CHST13: variants seen among roughly 807,000 people sequenced by gnomAD.
CHST13 encodes the protein C4ST-3.
In CHST13, 1 loss-of-function variant was observed where a neutral mutation model predicts 7.0. The observed-to-expected ratio is 0.14, with a 90% CI of 0.05 to 0.68. CHST13 has a LOEUF of 0.68. CHST13 is among the 30% of genes least tolerant of loss of function. The pLI, the probability that CHST13 is intolerant of heterozygous loss-of-function variation, is 0.82. For synonymous variants in CHST13, 257 were observed against 240.9 expected (o/e 1.07, Z -0.62); for missense variants, 572 against 507.9 (o/e 1.13, Z -1.21).
rs1350800347 is a variant in CHST13, at chr3:126,539,681, A to G, written c.181-2052A>G. 1.6e-4 allele frequency among the ~76,000 whole-genome samples: 18 copies of G among 115,468 alleles called. No individual in the cohort carries two copies. The Admixed American group carries it at 1.6e-3, about 10-fold the overall frequency. The allele number at this position is 115,468 out of a possible 152,430, so 75.8% of individuals were successfully genotyped here. ...ACACTATACACACAGCACATACACC[A>G]CAGACACCACACACACACCACACAC... On this transcript the variant is annotated intron_variant, in intron 2 of 2. Coordinates refer to ENST00000319340, the MANE Select transcript of CHST13 (RefSeq NM_152889.3).
chr3:126,538,169 G>T (rs919953503), intron 2 of CHST13, among the ~76,000 whole-genome samples: 3 of 152,246 alleles, frequency 2.0e-5, no homozygotes, highest in African/African-American at 7.2e-5. Flanking sequence ...GCTGCTTCCA[G>T]CCATGAGGAG....
intron 2 of CHST13, 94 bp downstream of exon 2, chr3:126,536,447 C>T (rs1936793126): frequency 3.2e-6 from 3 of 944,490 alleles, no homozygotes; most frequent in South Asian, 3.2e-5. Flanking sequence ...TGAGACTGGA[C>T]CCCACACTGG....
intron 1 of CHST13, among the ~76,000 whole-genome samples, chr3:126,525,167 C>T (rs1936512199): frequency 2.0e-5 from 3 of 152,174 alleles, no homozygotes; most frequent in Non-Finnish European, 2.9e-5. Context: ...CCAGCCAGCG[C>T]CCGGGTCTCC....
intron 2 of CHST13, among the ~76,000 whole-genome samples, chr3:126,539,699 C>A (rs1576235187): frequency 7.7e-6 from 1 of 130,142 alleles, no homozygotes; most frequent in Non-Finnish European, 1.7e-5. Context: ...CACACACACA[C>A]CACACACATA....
At chr3:126,531,209 C>A (rs1028905774) in intron 1 of CHST13, among the ~76,000 whole-genome samples, 3 of 152,240 alleles carry the variant, frequency 2.0e-5, no homozygotes, top group African/African-American at 7.2e-5. Context: ...CCCCACCCCC[C>A]AACCTACTGG....
In CHST13 at chr3:126,541,646, C is replaced by G. The variant is rs1330735056; in HGVS notation, c.181-87C>G. 4 of 1,260,998 alleles carry G rather than the reference C, an allele frequency of 3.2e-6. No individual in the cohort carries two copies. The East Asian group carries it at 9.1e-5, about 29-fold the overall frequency. 78.1% of individuals were successfully genotyped at this position (1,260,998 alleles called of 1,614,324 possible). A position where few individuals can be genotyped will look rare whatever the true frequency, so the allele number is the denominator to read the frequency against. ...CGGCGCAGCTCCTGCTCCCAATTCC[C>G]GGGCGCATCCCGCCGGGGCAGCGCC... On this transcript the variant is annotated intron_variant, in intron 2 of 2. Transcript: ENST00000319340.
At chr3:126,524,781 G>T (rs1936504295) in intron 1 of CHST13, among the ~76,000 whole-genome samples, 1 of 152,168 alleles carries the variant, frequency 6.6e-6, no homozygotes, top group Non-Finnish European at 1.5e-5. Context: ...CGCACCCCAC[G>T]GCCCCTGGAC....
intron 1 of CHST13, chr3:126,529,333 T>C: frequency 7.8e-7 from 1 of 1,289,330 alleles, no homozygotes; most frequent in Non-Finnish European, 1.0e-6. Context: ...TTCCCTGGGC[T>C]GGTATTTCCT....
intron 2 of CHST13, among the ~76,000 whole-genome samples, chr3:126,539,478 C>A (rs1041932316): frequency 2.7e-5 from 4 of 148,818 alleles, no homozygotes; most frequent in Middle Eastern, 3.2e-3. Flanking sequence ...ACACTGCACA[C>A]ACACACACAT....
chr3:126,526,803 C>T (rs994381476), intron 1 of CHST13, among the ~76,000 whole-genome samples: 1 of 152,224 alleles, frequency 6.6e-6, no homozygotes, highest in South Asian at 2.1e-4. Flanking sequence ...ACCCTCATCC[C>T]CAGTGCCCAG....
rs772126020 is a variant in CHST13 at position 126,542,158 on chromosome 3, A to G, written c.606A>G (p.Ala202=). ...CCGCCTTCCAGAGGCGCTACGGTGC[A>G]CGCATCGTTCAGCGCCTGCGGCCGC... ...YSAAFQRRYG[A]RIVQRLRPRA... The change falls in exon 3 of 3, where the codon GCA becomes GCG. Residue 202 remains alanine (A), a synonymous_variant. Coordinates refer to ENST00000319340, the MANE Select transcript of CHST13 (RefSeq NM_152889.3). The G allele has an allele frequency of 6.6e-7, 1 of 1,523,938 alleles. No individual in the cohort carries two copies. Among genetic ancestry groups the G allele is most frequent in the Admixed American group, 2.1e-5 (1 of 47,742 alleles). 94.4% of individuals were successfully genotyped at this position (1,523,938 alleles called of 1,614,324 possible). A position where few individuals can be genotyped will look rare whatever the true frequency, so the allele number is the denominator to read the frequency against.
intron 1 of CHST13, among the ~76,000 whole-genome samples, chr3:126,530,919 C>T (rs1936644868): frequency 6.6e-6 from 1 of 152,254 alleles, no homozygotes; most frequent in African/African-American, 2.4e-5. Flanking sequence ...AGGATGTGGC[C>T]TGGGCGCAGA....
At position 126,528,697 on chromosome 3, in the gene CHST13, A is replaced by G. The variant is rs1246369265; in HGVS notation, c.97+4268A>G. Among the ~76,000 whole-genome samples, 3 of 152,014 alleles carry G rather than the reference A, an allele frequency of 2.0e-5. No homozygotes were observed. In the East Asian group the frequency reaches 5.8e-4, roughly 29 times the overall value. On this transcript the variant is annotated intron_variant, in intron 1 of 2. Coordinates refer to ENST00000319340, the MANE Select transcript of CHST13 (RefSeq NM_152889.3). ...GCCGACAGGACTGTGCTCAAGGGGG[A>G]TCTGGGCAGACTGGGGTTCCATTCT...
At chr3:126,536,112 C>T (rs908104051) in intron 1 of CHST13, among the ~76,000 whole-genome samples, 159 bp from the exon 2 acceptor site, 1 of 152,130 alleles carries the variant, frequency 6.6e-6, no homozygotes, top group East Asian at 1.9e-4. Context: ...TACCCCCTGC[C>T]ATCCCCCACT....
chr3:126,536,381 A>G (rs769988267), intron 2 of CHST13, 28 bp downstream of exon 2: 10 of 1,571,324 alleles, frequency 6.4e-6, no homozygotes, highest in East Asian at 2.2e-5. Context: ...CGACCCAGGC[A>G]TGCCCCCCTC....
At position 126,541,757 on chromosome 3, in the gene CHST13, G is replaced by C. The variant is rs752479972; in HGVS notation, c.205G>C (p.Val69Leu). 1 of 1,507,212 alleles carries C rather than the reference G, an allele frequency of 6.6e-7. No homozygotes were observed. Among genetic ancestry groups the C allele is most frequent in the Non-Finnish European group, 8.9e-7 (1 of 1,129,702 alleles). The allele number at this position is 1,507,212 out of a possible 1,614,324, so 93.4% of individuals were successfully genotyped here. Residue 69 changes from valine (V) to leucine (L), a missense_variant, in exon 3 of 3, where the codon GTG becomes CTG. By Grantham distance (32) the Val-to-Leu change is conservative (BLOSUM62 1). Coordinates refer to ENST00000319340, the MANE Select transcript of CHST13 (RefSeq NM_152889.3). ...DQDPRSTLAK[V>L]HRQRRDLLNS... ...GGACCCGCGCTCGACCCTGGCGAAG[G>C]TGCACCGGCAGCGGCGCGACCTGCT...
intron 1 of CHST13, among the ~76,000 whole-genome samples, chr3:126,530,744 C>T (rs979613269): frequency 1.9e-4 from 29 of 152,252 alleles, no homozygotes; most frequent in East Asian, 5.8e-4. Flanking sequence ...ATGACGGTGT[C>T]GTTCCTGGGA....
At chr3:126,538,583 C>T (rs1321156134) in intron 2 of CHST13, among the ~76,000 whole-genome samples, 1 of 152,252 alleles carries the variant, frequency 6.6e-6, no homozygotes, top group East Asian at 1.9e-4. Context: ...GGAAGACTGA[C>T]AGGTGGCCGG....
chr3:126,541,480 C>T (rs1194664487), intron 2 of CHST13, among the ~76,000 whole-genome samples: 3 of 152,354 alleles, frequency 2.0e-5, no homozygotes, highest in South Asian at 4.1e-4. Context: ...GAGTGCCCCA[C>T]GGCATACATA....
Sources: allele counts gnomAD v4.1 joint callset (sites outside exome capture counted in the v4.1 genomes callset), GRCh38; gene constraint gnomAD v4.1.1; transcripts MANE v1.5; gene names NCBI Gene and HGNC (gene_info 2026-07-23, HGNC 2026-07-21).